The following ATP9B variants were observed in gnomAD, a reference collection of about 807,000 sequenced individuals.
ATP9B encodes the protein probable phospholipid-transporting ATPase IIB.
A neutral mutation model predicts 146.1 loss-of-function variants in ATP9B; 110 were observed. That is an observed-to-expected ratio of 0.75 (90% CI 0.65 to 0.88). ATP9B has a LOEUF of 0.88. Among genes scored for constraint, ATP9B ranks in the 40% least tolerant of loss-of-function variants. ATP9B has a pLI of 0.00. For synonymous variants in ATP9B, 604 were observed against 569.7 expected (o/e 1.06, Z -0.86); for missense variants, 1,499 against 1,496.4 (o/e 1.00, Z -0.03).
At chr18:79,116,843 A>G (rs1302748010) in intron 4 of ATP9B, among the ~76,000 whole-genome samples, 2 of 109,330 alleles carry the variant, frequency 1.8e-5, no homozygotes, top group Non-Finnish European at 3.7e-5. Flanking sequence ...TAGTGGGTGC[A>G]GCGCACCAGC....
chr18:79,257,292 A>G lies in ATP9B; in HGVS notation c.1268+3751A>G, dbSNP rs1324317859. The stretch of plus-strand genomic sequence containing the variant: ...TCCAGCCTGGGCAGGCAAAAGAACA[A>G]AACTCTGTCTCAAAAAAAGAAAGAA... On this transcript the variant is annotated intron_variant, in intron 12 of 29. Coordinates refer to ENST00000426216, the MANE Select transcript of ATP9B (RefSeq NM_198531.5). Among the ~76,000 whole-genome samples the G allele has an allele frequency of 3.9e-5, 6 of 152,164 alleles. No homozygotes were observed. In the East Asian group the frequency reaches 9.6e-4, roughly 24 times the overall value.
intron 11 of ATP9B, among the ~76,000 whole-genome samples, chr18:79,228,496 T>TCA (rs2095757373): frequency 1.3e-5 from 2 of 152,192 alleles, no homozygotes; most frequent in African/African-American, 4.8e-5. Context: ...TTTAAGGTGA[T>TCA]CGCCTGTTGC....
chr18:79,318,092 A>G (rs2096692065), intron 15 of ATP9B, among the ~76,000 whole-genome samples: 1 of 152,278 alleles, frequency 6.6e-6, no homozygotes, highest in Non-Finnish European at 1.5e-5. Flanking sequence ...GAATAAATAA[A>G]TGAATGGGAG....
intron 15 of ATP9B, among the ~76,000 whole-genome samples, chr18:79,314,966 C>A (rs1325404231): frequency 6.6e-6 from 1 of 152,226 alleles, no homozygotes; most frequent in Non-Finnish European, 1.5e-5. Flanking sequence ...CCGCCGGCTT[C>A]TTTTGGTCCA....
At chr18:79,170,921 G>A (rs1332334347) in intron 7 of ATP9B, among the ~76,000 whole-genome samples, 1 of 152,128 alleles carries the variant, frequency 6.6e-6, no homozygotes, top group Non-Finnish European at 1.5e-5. Context: ...AAACTTGGAG[G>A]AAAAACCATT....
In ATP9B at chr18:79,369,164, C is replaced by T. The variant is rs532444779; in HGVS notation, c.3013-3661C>T. 7.2e-5 allele frequency among the ~76,000 whole-genome samples: 11 copies of T among 152,194 alleles called. No homozygotes were observed. In the South Asian group the frequency reaches 8.3e-4, roughly 11 times the overall value. Reference sequence around the variant, plus strand: ...TCTAGTAAGAATCAGATTGGGAGGCCGAGGCGGGCGGGTCACGAGGTCAGG... The same window carrying T: ...TCTAGTAAGAATCAGATTGGGAGGCTGAGGCGGGCGGGTCACGAGGTCAGG... On this transcript the variant is annotated intron_variant, in intron 26 of 29. Transcript: ENST00000426216.
intron 2 of ATP9B, among the ~76,000 whole-genome samples, chr18:79,105,033 A>G (rs758502822): frequency 1.3e-5 from 2 of 152,360 alleles, no homozygotes. Flanking sequence ...TAATCAGTCT[A>G]TATTGGCACT....
intron 13 of ATP9B, among the ~76,000 whole-genome samples, chr18:79,285,383 AT>A (rs1234829893): frequency 6.6e-6 from 1 of 152,116 alleles, no homozygotes; most frequent in Non-Finnish European, 1.5e-5. Context: ...GATGATGAGC[AT>A]TTTTTCATGT....
intron 8 of ATP9B, among the ~76,000 whole-genome samples, chr18:79,188,136 G>A (rs183125289): frequency 8.5e-5 from 13 of 152,280 alleles, no homozygotes; most frequent in African/African-American, 2.6e-4. Flanking sequence ...CAGCCCAGAG[G>A]AAGTAGGTGT....
intron 8 of ATP9B, among the ~76,000 whole-genome samples, chr18:79,182,831 G>T (rs1219995726): frequency 6.6e-6 from 1 of 152,204 alleles, no homozygotes; most frequent in Admixed American, 6.5e-5. Flanking sequence ...GGAGGCCTGT[G>T]ACTGCCCTGC....
chr18:79,338,625 C>A (rs567509124), intron 19 of ATP9B, among the ~76,000 whole-genome samples: 1 of 152,196 alleles, frequency 6.6e-6, no homozygotes, highest in South Asian at 2.1e-4. Flanking sequence ...GCGGGGCACA[C>A]GCTCCCTGCC....
chr18:79,296,853 C>G (rs1364309339), intron 13 of ATP9B, among the ~76,000 whole-genome samples: 1 of 152,150 alleles, frequency 6.6e-6, no homozygotes, highest in Non-Finnish European at 1.5e-5. Context: ...GATGCACGCT[C>G]AGCAGCTAAA....
At chr18:79,082,718 G>C (rs1001248926) in intron 1 of ATP9B, among the ~76,000 whole-genome samples, 1 of 152,190 alleles carries the variant, frequency 6.6e-6, no homozygotes, top group African/African-American at 2.4e-5. Flanking sequence ...CTGTTTACCT[G>C]GGTTTCACCA....
At chr18:79,154,577 C>T (rs572132870) in intron 7 of ATP9B, 22 bp downstream of exon 7, 2 of 1,487,296 alleles carry the variant, frequency 1.3e-6, no homozygotes, top group South Asian at 1.4e-5. Context: ...TTTAAAAAAA[C>T]TTACCTAACT....
chr18:79,098,011 A>C (rs2074944323), intron 2 of ATP9B, among the ~76,000 whole-genome samples: 2 of 152,180 alleles, frequency 1.3e-5, no homozygotes, highest in African/African-American at 4.8e-5. Context: ...ACAGTAACCA[A>C]AACAGCATGG....
intron 7 of ATP9B, among the ~76,000 whole-genome samples, chr18:79,166,890 G>A (rs1330427211): frequency 6.6e-6 from 1 of 152,138 alleles, no homozygotes; most frequent in Non-Finnish European, 1.5e-5. Flanking sequence ...AGAACAGAGT[G>A]GCAAGGTGTG....
intron 15 of ATP9B, among the ~76,000 whole-genome samples, chr18:79,310,077 GA>G (rs2146634807): frequency 6.6e-6 from 1 of 152,338 alleles, no homozygotes; most frequent in African/African-American, 2.4e-5. Flanking sequence ...GGGCCAGACA[GA>G]CAGGGAGGCA....
At chr18:79,124,305 T>C (rs2094243023) in intron 4 of ATP9B, among the ~76,000 whole-genome samples, 2 of 152,226 alleles carry the variant, frequency 1.3e-5, no homozygotes, top group Non-Finnish European at 2.9e-5. Context: ...AAACGAATTG[T>C]ATACATTTAT....
At chr18:79,144,738 C>CGTATTTT (rs1568268811) in intron 6 of ATP9B, 1 of 151,300 alleles carries the variant, frequency 6.6e-6, no homozygotes, top group African/African-American at 2.4e-5. Context: ...TTGTTTTATT[C>CGTATTTT]TTATTTTTAT....
Sources: gnomAD v4.1 joint callset for allele counts (sites outside exome capture counted in the v4.1 genomes callset) on GRCh38, gnomAD v4.1.1 for gene constraint, MANE v1.5 for transcripts, NCBI Gene and HGNC (gene_info 2026-07-23, HGNC 2026-07-21) for gene names.